The following KLHL5 variants were observed in gnomAD, a reference collection of about 807,000 sequenced individuals.
The protein encoded by KLHL5 is kelch like family member 5.
A neutral mutation model predicts 77.7 loss-of-function variants in KLHL5; 48 were observed. That is an observed-to-expected ratio of 0.62 (90% CI 0.49 to 0.79). KLHL5 has a LOEUF of 0.79. KLHL5 is among the 30% of genes least tolerant of loss of function. The probability of loss-of-function intolerance (pLI) is 0.00; values close to 1 mark genes in which losing one functional copy is unlikely to be tolerated. For missense variants in KLHL5, 723 were observed against 859.7 expected, an observed-to-expected ratio of 0.84 and a Z score of 1.99; for synonymous variants, 260 against 297.0, an observed-to-expected ratio of 0.88 and a Z score of 1.28.
At chr4:39,140,584 T>C in the KLHL5 span, among the ~76,000 whole-genome samples, 1 of 152,244 alleles carries the variant, frequency 6.6e-6, no homozygotes, top group Non-Finnish European at 1.5e-5. Flanking sequence ...AGGCCCATTT[T>C]CAGGCTTGAT....
At chr4:39,063,068 G>A (rs761429612) in intron 1 of KLHL5, 33 bp downstream of exon 1, 5 of 1,525,528 alleles carry the variant, frequency 3.3e-6, no homozygotes, top group Admixed American at 1.8e-5. Context: ...GAAAAGGGGT[G>A]TGGGGGTATG....
chr4:39,115,028 T>A (rs888271462), intron 9 of KLHL5, 131 bp from the exon 10 acceptor site: 12 of 795,562 alleles, frequency 1.5e-5, no homozygotes, highest in Non-Finnish European at 2.3e-5. Flanking sequence ...GATATTTTTC[T>A]CTAAAATATG....
At position 39,126,206 on chromosome 4, in the gene KLHL5, A is replaced by G. The variant is rs182595545; in HGVS notation, c.*5140A>G. Among the ~76,000 whole-genome samples, 184 of 152,354 alleles carry G rather than the reference A, an allele frequency of 1.2e-3. 1 individual carries two copies. The highest frequency in any genetic ancestry group is 4.3e-3 in the African/African-American group (179 of 41,582). On this transcript the variant is annotated 3_prime_UTR_variant, in exon 11 of 11. Coordinates refer to ENST00000504108, the MANE Select transcript of KLHL5 (RefSeq NM_015990.5). ...AACTCTTACACAAAAACAAATATTCAATAAAATGATATTTAATTTCACTGT... is the reference window on the plus strand; with the variant it reads ...AACTCTTACACAAAAACAAATATTCGATAAAATGATATTTAATTTCACTGT...
In KLHL5 at chr4:39,115,271, G is replaced by A; in HGVS notation, c.2014G>A (p.Gly672Arg). ...DKLYAVGGYD[G>R]QAYLNTVEAY... ...GTTATATGCTGTTGGGGGGTATGAT[G>A]GACAGGCATACCTTAATACTGTGGA... The change falls in exon 10 of 11, where the codon GGA becomes AGA. Residue 672 changes from glycine to arginine, a missense_variant. Physicochemically the swap from Gly to Arg is moderately radical, Grantham distance 125. Around this residue, in one of 3 missense-constraint regions of KLHL5, gnomAD observed 214 missense variants for 237.4 expected, o/e 0.90. Transcript: ENST00000504108. The A allele has an allele frequency of 6.2e-7, 1 of 1,613,928 alleles. No individual in the cohort carries two copies. The highest frequency in any genetic ancestry group is 1.1e-5 in the South Asian group (1 of 91,074).
chr4:39,102,384 T>TAAA (rs542878375), intron 6 of KLHL5, among the ~76,000 whole-genome samples: 2 of 133,142 alleles, frequency 1.5e-5, no homozygotes, highest in African/African-American at 5.6e-5. Context: ...TTCCAATTCT[T>TAAA]AAAAAAAAAA....
intron 1 of KLHL5, among the ~76,000 whole-genome samples, chr4:39,046,219 C>A (rs566474470): frequency 1.3e-5 from 2 of 151,880 alleles, no homozygotes; most frequent in African/African-American, 4.8e-5. Context: ...GCAATATGTA[C>A]AATATATAGT....
chr4:39,081,596 G>A lies in KLHL5; in HGVS notation c.703+357G>A, dbSNP rs557069386. ...AGGACGGATGATCGCTTGAGCCCAG[G>A]AGTTCGATGCTGCAGTGAGCCATTG... On this transcript the variant is annotated intron_variant, in intron 3 of 10. Transcript: ENST00000504108. This position sits in a 1 kb window ranked among gnomAD's most constrained non-coding sequence, Gnocchi z 4.3. Among the ~76,000 whole-genome samples the A allele has an allele frequency of 1.3e-4, 20 of 151,726 alleles. No individual in the cohort carries two copies. The highest frequency in any genetic ancestry group is 3.4e-3 in the Middle Eastern group (1 of 294).
downstream of KLHL5, among the ~76,000 whole-genome samples, chr4:39,131,279 G>T (rs1010742923): frequency 1.3e-5 from 2 of 152,134 alleles, no homozygotes; most frequent in Non-Finnish European, 2.9e-5. Flanking sequence ...CCATGTGGAG[G>T]TTTCTACTAA....
intron 10 of KLHL5, chr4:39,115,943 A>T: frequency 1.0e-6 from 1 of 988,420 alleles, no homozygotes. Context: ...TGCTTGTGTC[A>T]CCCAGTTCAG....
At chr4:39,096,999 T>C (rs1302984752) in intron 6 of KLHL5, 121 bp downstream of exon 6, 1 of 766,274 alleles carries the variant, frequency 1.3e-6, no homozygotes, top group Admixed American at 2.6e-5. Flanking sequence ...GCAGAAAAAG[T>C]ACCAGATAAT....
At chr4:39,119,730 G>A (rs1723082800) in intron 10 of KLHL5, among the ~76,000 whole-genome samples, 1 of 152,222 alleles carries the variant, frequency 6.6e-6, no homozygotes, top group African/African-American at 2.4e-5. Flanking sequence ...AGCAAGAGGT[G>A]ATTGCATTGT....
chr4:39,116,246 T>G (rs1722831810), intron 10 of KLHL5: 1 of 154,756 alleles, frequency 6.5e-6, no homozygotes, highest in African/African-American at 2.4e-5. Flanking sequence ...GGCAGGAGAA[T>G]CGCTTGAACC....
At chr4:39,115,907 T>A (rs899995800) in intron 10 of KLHL5, 2 of 989,508 alleles carry the variant, frequency 2.0e-6, no homozygotes, top group African/African-American at 1.7e-5. Flanking sequence ...GCTTCCATCA[T>A]CACCAAGAAC....
chr4:39,091,679 T>TC (rs1299665739), intron 5 of KLHL5, among the ~76,000 whole-genome samples: 1 of 151,500 alleles, frequency 6.6e-6, no homozygotes, highest in East Asian at 1.9e-4. Context: ...AAACAACTTT[T>TC]TTTTTTTTTT....
At chr4:39,115,526 A>G (rs1000339285) in intron 10 of KLHL5, 196 bp downstream of exon 10, 10 of 1,475,792 alleles carry the variant, frequency 6.8e-6, no homozygotes, top group African/African-American at 1.4e-5. Context: ...TACCTTTGAG[A>G]TGTAAGTTAA....
chr4:39,054,054 C>A (rs1290180367), intron 1 of KLHL5, among the ~76,000 whole-genome samples: 8 of 152,240 alleles, frequency 5.3e-5, no homozygotes, highest in African/African-American at 1.9e-4. Flanking sequence ...TTCTGTTCCC[C>A]CTCCCCGCTG....
chr4:39,112,929 A>C, intron 8 of KLHL5, 91 bp from the exon 9 acceptor site: 1 of 1,136,642 alleles, frequency 8.8e-7, no homozygotes, highest in East Asian at 2.4e-5. Context: ...TGGCACCTTA[A>C]ATTCAATGAG....
At chr4:39,091,200 G>A (rs1720517145) in intron 5 of KLHL5, among the ~76,000 whole-genome samples, 1 of 151,680 alleles carries the variant, frequency 6.6e-6, no homozygotes, top group African/African-American at 2.4e-5. Flanking sequence ...TGTTGGCCAG[G>A]CTAGTCTTGA....
intron 10 of KLHL5, chr4:39,115,598 A>T: frequency 2.1e-6 from 3 of 1,424,318 alleles, no homozygotes; most frequent in Non-Finnish European, 2.7e-6. Flanking sequence ...TAGCCTGATT[A>T]AAGCTGATAG....
Sources: gnomAD v4.1 joint callset for allele counts (sites outside exome capture counted in the v4.1 genomes callset) on GRCh38, gnomAD v4.1.1 for gene constraint, gnomAD v4.1.1 regional missense constraint, Gnocchi (gnomAD v3.1) non-coding constraint, MANE v1.5 for transcripts, NCBI Gene and HGNC (gene_info 2026-07-23, HGNC 2026-07-21) for gene names.